GRIN3A: variants seen among roughly 807,000 people sequenced by gnomAD.
GRIN3A encodes glutamate receptor ionotropic, NMDA 3A.
A neutral mutation model predicts 92.4 loss-of-function variants in GRIN3A; 47 were observed. The observed-to-expected ratio is 0.51, with a 90% CI of 0.40 to 0.65. The LOEUF (loss-of-function observed/expected upper bound fraction) is 0.65. Among genes scored for constraint, GRIN3A ranks in the 30% least tolerant of loss-of-function variants. The pLI is 0.00. For synonymous variants in GRIN3A, 527 were observed against 540.6 expected, an observed-to-expected ratio of 0.97 and a Z score of 0.35; for missense variants, 1,324 against 1,393.1, an observed-to-expected ratio of 0.95 and a Z score of 0.79.
At chr9:101,655,488 C>T (rs1382882708) in intron 3 of GRIN3A, among the ~76,000 whole-genome samples, 1 of 151,958 alleles carries the variant, frequency 6.6e-6, no homozygotes, top group Non-Finnish European at 1.5e-5. Context: ...TCAAACTACA[C>T]TCTCAAAATG....
chr9:101,573,439 A>G lies in GRIN3A; in HGVS notation c.3083T>C (p.Ile1028Thr). The G allele has an allele frequency of 1.2e-6, 2 of 1,613,992 alleles. No homozygotes were observed. Among genetic ancestry groups the G allele is most frequent in the Non-Finnish European group, 1.7e-6 (2 of 1,179,970 alleles). Residue 1028 changes from isoleucine to threonine, a missense_variant, in exon 9 of 9, where the codon ATC becomes ACC. Coordinates refer to ENST00000361820, the MANE Select transcript of GRIN3A (RefSeq NM_133445.3). The part of the protein sequence containing the change: ...NLSHDNRRKY[I>T]FSDEEGQNQL... The stretch of plus-strand genomic sequence containing the variant: ...GTTTTGTCCTTCCTCATCACTAAAG[A>G]TGTATTTCCGTCGGTTGTCATGACT...
At chr9:101,627,180 C>G (rs531450611) in intron 4 of GRIN3A, among the ~76,000 whole-genome samples, 54 of 152,330 alleles carry the variant, frequency 3.5e-4, no homozygotes, top group African/African-American at 1.2e-3. Context: ...GGACTCTAAA[C>G]TTCATGTCAG....
chr9:101,665,060 A>C (rs1564139038), intron 3 of GRIN3A, among the ~76,000 whole-genome samples: 2 of 148,716 alleles, frequency 1.3e-5, no homozygotes, highest in African/African-American at 5.1e-5. Context: ...CCAAAAAAAA[A>C]CAGCTTAAAT....
intron 1 of GRIN3A, among the ~76,000 whole-genome samples, chr9:101,687,493 G>T (rs1250665055): frequency 1.3e-5 from 2 of 152,120 alleles, no homozygotes; most frequent in Non-Finnish European, 2.9e-5. Context: ...TGTCAAGCTT[G>T]TCTACTGCCA....
intron 1 of GRIN3A, among the ~76,000 whole-genome samples, chr9:101,704,841 G>A (rs888527148): frequency 3.9e-5 from 6 of 152,170 alleles, no homozygotes; most frequent in Admixed American, 3.9e-4. Flanking sequence ...TTTATGATGT[G>A]TGTATTTTTA....
At chr9:101,654,532 C>G (rs538903814) in intron 3 of GRIN3A, among the ~76,000 whole-genome samples, 1 of 151,632 alleles carries the variant, frequency 6.6e-6, no homozygotes, top group African/African-American at 2.4e-5. Context: ...TCGTTTCCCA[C>G]TTTTTCCTCT....
intron 1 of GRIN3A, among the ~76,000 whole-genome samples, chr9:101,721,349 A>G (rs1322234169): frequency 6.6e-6 from 1 of 152,186 alleles, no homozygotes; most frequent in African/African-American, 2.4e-5. Flanking sequence ...GACATGTGGA[A>G]CTGTAGGTTC....
At chr9:101,631,964 G>A (rs1490844613) in intron 3 of GRIN3A, among the ~76,000 whole-genome samples, 1 of 152,096 alleles carries the variant, frequency 6.6e-6, no homozygotes, top group African/African-American at 2.4e-5. Flanking sequence ...GCCCATCAAT[G>A]GCTCCCCCAT....
chr9:101,736,161 G>A (rs1456745072), intron 1 of GRIN3A, among the ~76,000 whole-genome samples: 2 of 152,104 alleles, frequency 1.3e-5, no homozygotes, highest in Admixed American at 1.3e-4. Context: ...ATGATGTAGA[G>A]TCAGAAATCC....
At chr9:101,651,545 T>C (rs887005939) in intron 3 of GRIN3A, among the ~76,000 whole-genome samples, 1 of 151,940 alleles carries the variant, frequency 6.6e-6, no homozygotes, top group Non-Finnish European at 1.5e-5. Flanking sequence ...GAGGATTGTG[T>C]GCATTATTCT....
intron 3 of GRIN3A, among the ~76,000 whole-genome samples, chr9:101,667,913 T>C (rs1292224986): frequency 1.3e-5 from 2 of 152,084 alleles, no homozygotes; most frequent in Non-Finnish European, 2.9e-5. Flanking sequence ...TATTTTACCG[T>C]AGAAACAACG....
At chr9:101,634,377 G>C (rs920050722) in intron 3 of GRIN3A, among the ~76,000 whole-genome samples, 1 of 147,460 alleles carries the variant, frequency 6.8e-6, no homozygotes, top group Non-Finnish European at 1.5e-5. Flanking sequence ...TTGAGGCATA[G>C]CTTCTGTAAA....
chr9:101,724,415 G>A (rs1830057788), intron 1 of GRIN3A, among the ~76,000 whole-genome samples: 1 of 152,178 alleles, frequency 6.6e-6, no homozygotes, highest in Admixed American at 6.5e-5. Flanking sequence ...CCGAGTGCGG[G>A]GCCCGCCAAG....
intron 5 of GRIN3A, among the ~76,000 whole-genome samples, chr9:101,622,522 A>T (rs149940814): frequency 6.6e-6 from 1 of 152,174 alleles, no homozygotes; most frequent in Non-Finnish European, 1.5e-5. Flanking sequence ...CTGAAGTTTG[A>T]TTGATTGGGA....
intron 3 of GRIN3A, among the ~76,000 whole-genome samples, chr9:101,642,466 A>C (rs1019085358): frequency 6.6e-6 from 1 of 152,208 alleles, no homozygotes; most frequent in African/African-American, 2.4e-5. Flanking sequence ...CAAAAGTAAA[A>C]TTAAACAAAT....
chr9:101,596,144 G>A (rs1828126678), intron 6 of GRIN3A, among the ~76,000 whole-genome samples: 1 of 152,182 alleles, frequency 6.6e-6, no homozygotes, highest in Non-Finnish European at 1.5e-5. Context: ...GGCAAGTTCT[G>A]TGTTCTATAG....
chr9:101,736,662 C>A (rs1450569076), intron 1 of GRIN3A, among the ~76,000 whole-genome samples: 1 of 152,164 alleles, frequency 6.6e-6, no homozygotes, highest in African/African-American at 2.4e-5. Flanking sequence ...CTAATGCTTT[C>A]CAATATCCGA....
intron 6 of GRIN3A, 25 bp from the exon 7 acceptor site, chr9:101,579,385 G>C: frequency 1.2e-6 from 2 of 1,612,558 alleles, no homozygotes; most frequent in East Asian, 2.2e-5. Flanking sequence ...GAAAGAAAAG[G>C]CCATGAATAC....
chr9:101,719,635 A>G (rs1455143572), intron 1 of GRIN3A, among the ~76,000 whole-genome samples: 2 of 152,088 alleles, frequency 1.3e-5, no homozygotes, highest in African/African-American at 4.8e-5. Flanking sequence ...GCTTGAGCTC[A>G]GGGCTAAATC....
Sources: gnomAD v4.1 joint callset for allele counts (sites outside exome capture counted in the v4.1 genomes callset) on GRCh38, gnomAD v4.1.1 for gene constraint, MANE v1.5 for transcripts, NCBI Gene and HGNC (gene_info 2026-07-23, HGNC 2026-07-21) for gene names.